RAP2A: variants seen among roughly 807,000 people sequenced by gnomAD.
RAP2A encodes ras-related protein Rap-2a.
In RAP2A, 5 loss-of-function variants were observed where a neutral mutation model predicts 15.1. That is an observed-to-expected ratio of 0.33 (90% CI 0.17 to 0.70). RAP2A has a LOEUF of 0.70. Among genes scored for constraint, RAP2A ranks in the 30% least tolerant of loss-of-function variants. The pLI is 0.68. For missense variants in RAP2A, 111 were observed against 240.3 expected, an observed-to-expected ratio of 0.46 and a Z score of 3.56; for synonymous variants, 110 against 99.7, an observed-to-expected ratio of 1.10 and a Z score of -0.62.
At chr13:97,447,203 T>A (rs1352773850) in intron 1 of RAP2A, among the ~76,000 whole-genome samples, 5 of 152,236 alleles carry the variant, frequency 3.3e-5, no homozygotes, top group African/African-American at 1.2e-4. Context: ...CACCCATGCA[T>A]GATTAACTGT....
chr13:97,438,041 A>G (rs1250021128), intron 1 of RAP2A, among the ~76,000 whole-genome samples: 1 of 152,228 alleles, frequency 6.6e-6, no homozygotes, highest in Admixed American at 6.5e-5. Context: ...GTAAATTCAT[A>G]TGCTTTCTTT....
At chr13:97,441,009 A>C (rs908606465) in intron 1 of RAP2A, among the ~76,000 whole-genome samples, 2 of 152,162 alleles carry the variant, frequency 1.3e-5, no homozygotes, top group Non-Finnish European at 2.9e-5. Flanking sequence ...TGAAAAGGAA[A>C]CTTTTGTTTT....
chr13:97,434,822 C>T (rs562232720), intron 1 of RAP2A, 38 bp downstream of exon 1: 6 of 1,604,648 alleles, frequency 3.7e-6, no homozygotes, highest in Admixed American at 1.7e-5. Flanking sequence ...GGCTGCACCC[C>T]GGAGTCACCG....
intron 1 of RAP2A, among the ~76,000 whole-genome samples, chr13:97,463,042 T>C (rs75014181): frequency 2.5e-3 from 376 of 152,314 alleles, no homozygotes; most frequent in Non-Finnish European, 3.2e-3. Flanking sequence ...ACATTTGTTA[T>C]CACTTTTGTG....
At chr13:97,463,264 T>C (rs563004140) in intron 1 of RAP2A, among the ~76,000 whole-genome samples, 7 of 152,366 alleles carry the variant, frequency 4.6e-5, no homozygotes, top group Non-Finnish European at 1.0e-4. Context: ...ACATCTGTTG[T>C]GAAATGTGCT....
intron 1 of RAP2A, among the ~76,000 whole-genome samples, chr13:97,460,635 ATCTT>A (rs1380571249): frequency 1.3e-5 from 2 of 152,056 alleles, no homozygotes; most frequent in African/African-American, 2.4e-5. Context: ...CGTCTCACCC[ATCTT>A]TCTTAAGGAG....
intron 1 of RAP2A, among the ~76,000 whole-genome samples, chr13:97,435,339 C>G (rs1041804164): frequency 6.6e-6 from 1 of 151,850 alleles, no homozygotes; most frequent in African/African-American, 2.4e-5. Flanking sequence ...TTGAAGACAT[C>G]ATAAGCTAAA....
chr13:97,448,613 AG>A (rs2066689484), intron 1 of RAP2A, among the ~76,000 whole-genome samples: 1 of 152,200 alleles, frequency 6.6e-6, no homozygotes, highest in Non-Finnish European at 1.5e-5. Flanking sequence ...ACTTATTTCT[AG>A]GTCCTCTAAC....
rs1330201048 is a variant in RAP2A at position 97,464,969 on chromosome 13, C to T, written c.*527C>T. On this transcript the variant is annotated 3_prime_UTR_variant, in exon 2 of 2. Coordinates refer to ENST00000245304, the MANE Select transcript of RAP2A (RefSeq NM_021033.7). ...CTGCCAACAGCATTACAGGGAGATT[C>T]TTTGCTCAGCTAACACATTTCTGTT... 1 of 152,924 alleles carries T rather than the reference C, an allele frequency of 6.5e-6. No homozygotes were observed. Among genetic ancestry groups the T allele is most frequent in the Non-Finnish European group, 1.5e-5 (1 of 68,550 alleles). 9.5% of individuals were successfully genotyped at this position (152,924 alleles called of 1,614,324 possible).
At chr13:97,450,259 T>G (rs185029011) in intron 1 of RAP2A, among the ~76,000 whole-genome samples, 1 of 152,306 alleles carries the variant, frequency 6.6e-6, no homozygotes, top group East Asian at 1.9e-4. Flanking sequence ...TGAAAAGATA[T>G]ATACTATAAT....
At position 97,466,646 on chromosome 13, in the gene RAP2A, T is replaced by A. The variant is rs1395523771; in HGVS notation, c.*2204T>A. The A allele has an allele frequency of 1.3e-5, 2 of 152,178 alleles. No homozygotes were observed. The highest frequency in any genetic ancestry group is 2.9e-5 in the Non-Finnish European group (2 of 68,034). The allele number at this position is 152,178 out of a possible 1,614,324, so 9.4% of individuals were successfully genotyped here. On this transcript the variant is annotated 3_prime_UTR_variant, in exon 2 of 2. Coordinates refer to ENST00000245304, the MANE Select transcript of RAP2A (RefSeq NM_021033.7). The stretch of plus-strand genomic sequence containing the variant: ...GACATTATGGCTTGCTATGCAGATG[T>A]GAAAATAGGTTAAATAATATGAAAG...
At chr13:97,461,990 T>TATATATATATA (rs1566475726) in intron 1 of RAP2A, among the ~76,000 whole-genome samples, 2 of 141,786 alleles carry the variant, frequency 1.4e-5, no homozygotes, top group African/African-American at 5.3e-5. Flanking sequence ...ATATATATAT[T>TATATATATATA]TATATATTTA....
chr13:97,454,007 A>T (rs915438538), intron 1 of RAP2A, among the ~76,000 whole-genome samples: 1 of 151,002 alleles, frequency 6.6e-6, no homozygotes. Flanking sequence ...TGTTTTTACT[A>T]TTGAGTTTTG....
chr13:97,440,384 G>A (rs1417180573), intron 1 of RAP2A, among the ~76,000 whole-genome samples: 1 of 152,032 alleles, frequency 6.6e-6, no homozygotes, highest in Non-Finnish European at 1.5e-5. Flanking sequence ...AGGACTGATG[G>A]TGAAACCTCT....
At chr13:97,454,651 T>C (rs978391935) in intron 1 of RAP2A, among the ~76,000 whole-genome samples, 1 of 151,372 alleles carries the variant, frequency 6.6e-6, no homozygotes, top group Non-Finnish European at 1.5e-5. Flanking sequence ...TGTACGTTTA[T>C]ACATATTGTA....
chr13:97,466,686 AAAG>A lies in RAP2A; in HGVS notation c.*2245_*2247del, dbSNP rs2066773067. 1 of 152,238 alleles carries A rather than the reference AAAG, an allele frequency of 6.6e-6. No individual in the cohort carries two copies. Among genetic ancestry groups the A allele is most frequent in the Non-Finnish European group, 1.5e-5 (1 of 68,038 alleles). 9.4% of individuals were successfully genotyped at this position (152,238 alleles called of 1,614,324 possible). ...TAATATGAAAGATATGGCAGAATGT[AAAG>A]TGGAAAAGATGACCTAAAATTTTGA... On this transcript the variant is annotated 3_prime_UTR_variant, in exon 2 of 2. Transcript: ENST00000245304.
chr13:97,455,006 A>T (rs2066717023), intron 1 of RAP2A, among the ~76,000 whole-genome samples: 1 of 151,196 alleles, frequency 6.6e-6, no homozygotes, highest in African/African-American at 2.4e-5. Context: ...TTCTATATGT[A>T]ATGCATTTGT....
intron 1 of RAP2A, among the ~76,000 whole-genome samples, chr13:97,446,887 G>C (rs979716355): frequency 1.3e-5 from 2 of 152,172 alleles, no homozygotes; most frequent in African/African-American, 4.8e-5. Context: ...ACTGAGTTCT[G>C]CCCAAATTGT....
intron 1 of RAP2A, among the ~76,000 whole-genome samples, chr13:97,440,615 G>A (rs9584578): frequency 0.04 from 6,128 of 152,244 alleles, 197 homozygotes; most frequent in African/African-American, 0.087. Flanking sequence ...GAAGAGCTCA[G>A]TGTTTTTCAT....
Sources: gnomAD v4.1 joint callset for allele counts (sites outside exome capture counted in the v4.1 genomes callset) on GRCh38, gnomAD v4.1.1 for gene constraint, MANE v1.5 for transcripts, NCBI Gene and HGNC (gene_info 2026-07-23, HGNC 2026-07-21) for gene names.